Variants in CSMD1 observed in about 807,000 individuals in gnomAD.
CSMD1 encodes CUB and Sushi multiple domains 1, also known as CUB and sushi domain-containing protein 1.
Under a neutral mutation model 417.5 loss-of-function variants are expected in CSMD1, and 213 were observed. The ratio of observed to expected loss-of-function variants is 0.51; its 90% confidence interval spans 0.46 to 0.57. The LOEUF is 0.57. Ranked by LOEUF, CSMD1 falls within the 20% of genes least tolerant of loss-of-function variation. CSMD1 has a pLI of 0.00. For missense variants in CSMD1, 6,923 were observed against 4,529.7 expected, an observed-to-expected ratio of 1.53 and a Z score of -15.17; for synonymous variants, 2,862 against 1,736.8, an observed-to-expected ratio of 1.65 and a Z score of -16.11.
intron 2 of CSMD1, among the ~76,000 whole-genome samples, chr8:4,503,743 C>T (rs147268391): frequency 1.3e-5 from 2 of 152,022 alleles, no homozygotes; most frequent in South Asian, 2.1e-4. Flanking sequence ...TGGGGAGATT[C>T]GGGAAGCTGG....
chr8:4,125,065 C>A (rs1259696594), intron 3 of CSMD1, among the ~76,000 whole-genome samples: 1 of 152,094 alleles, frequency 6.6e-6, no homozygotes, highest in African/African-American at 2.4e-5. Flanking sequence ...TAACACTCGC[C>A]GCTGCAGTCC....
At chr8:4,096,054 T>C (rs1800989989) in intron 3 of CSMD1, among the ~76,000 whole-genome samples, 1 of 141,566 alleles carries the variant, frequency 7.1e-6, no homozygotes, top group Non-Finnish European at 1.5e-5. Flanking sequence ...TGTTTTGTTC[T>C]TGTAACTACA....
chr8:4,377,206 G>T (rs1802806640), intron 3 of CSMD1, among the ~76,000 whole-genome samples: 1 of 152,192 alleles, frequency 6.6e-6, no homozygotes, highest in Non-Finnish European at 1.5e-5. Context: ...TGGAAGGGCT[G>T]AGAGCGCAAA....
At chr8:3,067,452 T>C (rs186617803) in intron 49 of CSMD1, among the ~76,000 whole-genome samples, 8 of 152,076 alleles carry the variant, frequency 5.3e-5, no homozygotes, top group African/African-American at 1.4e-4. Context: ...GCAAGTCCCA[T>C]TTCAGAAGCA....
chr8:4,605,370 G>T (rs1800812047), intron 2 of CSMD1, among the ~76,000 whole-genome samples: 1 of 152,244 alleles, frequency 6.6e-6, no homozygotes, highest in East Asian at 1.9e-4. Context: ...GAGAGGTTGA[G>T]TCCTGTAAAC....
intron 3 of CSMD1, among the ~76,000 whole-genome samples, chr8:4,262,074 T>C (rs1029496833): frequency 6.6e-6 from 1 of 152,212 alleles, no homozygotes; most frequent in African/African-American, 2.4e-5. Context: ...TGATTTTTTT[T>C]AACCTCTAAA....
At chr8:3,441,066 G>T (rs978520330) in intron 12 of CSMD1, among the ~76,000 whole-genome samples, 1 of 152,162 alleles carries the variant, frequency 6.6e-6, no homozygotes, top group Non-Finnish European at 1.5e-5. Flanking sequence ...AACACATAGA[G>T]GAGAAAACAG....
rs1233125898 is a variant in CSMD1 at position 3,612,995 on chromosome 8, A to T, written c.1097+3715T>A. ...AGAAATGTATGTAAAAGTAAATTGT[A>T]TTTTTTTGAGAAGTTCAATAATATT... On this transcript the variant is annotated intron_variant, in intron 8 of 69. Coordinates refer to ENST00000635120, the MANE Select transcript of CSMD1 (RefSeq NM_033225.6). 3.9e-5 allele frequency among the ~76,000 whole-genome samples: 6 copies of T among 152,110 alleles called. No individual in the cohort carries two copies. In the East Asian group the frequency reaches 1.2e-3, roughly 29 times the overall value.
chr8:3,234,643 A>G (rs1438136795), intron 26 of CSMD1, among the ~76,000 whole-genome samples: 1 of 152,230 alleles, frequency 6.6e-6, no homozygotes, highest in African/African-American at 2.4e-5. Context: ...CAAGCATATT[A>G]CTCCAAGAGA....
At chr8:4,068,948 T>C (rs1478130652) in intron 3 of CSMD1, among the ~76,000 whole-genome samples, 1 of 152,172 alleles carries the variant, frequency 6.6e-6, no homozygotes, top group Non-Finnish European at 1.5e-5. Flanking sequence ...CTTAGCAAAA[T>C]TTACAATTTA....
At position 3,020,947 on chromosome 8, in the gene CSMD1, A is replaced by C. The variant is rs541608470; in HGVS notation, c.7856-2297T>G. Among the ~76,000 whole-genome samples, 6 of 152,342 alleles carry C rather than the reference A, an allele frequency of 3.9e-5. No individual in the cohort carries two copies. The East Asian group carries it at 1.2e-3, about 29-fold the overall frequency. On this transcript the variant is annotated intron_variant, in intron 51 of 69. Coordinates refer to ENST00000635120, the MANE Select transcript of CSMD1 (RefSeq NM_033225.6). ...CTCGAGTAGGATTTAGATTTTTACAATTTGTTATAAACTTTTCATTAAGCC... is the reference window on the plus strand; with the variant it reads ...CTCGAGTAGGATTTAGATTTTTACACTTTGTTATAAACTTTTCATTAAGCC...
At chr8:4,905,806 C>T (rs142208091) in intron 1 of CSMD1, among the ~76,000 whole-genome samples, 3,161 of 128,244 alleles carry the variant, frequency 0.025, 126 homozygotes, top group African/African-American at 0.087. Context: ...GGCCACAGAG[C>T]GAGACTCCAT....
At chr8:3,972,566 T>G (rs750969074) in intron 5 of CSMD1, among the ~76,000 whole-genome samples, 3 of 152,216 alleles carry the variant, frequency 2.0e-5, no homozygotes, top group Non-Finnish European at 4.4e-5. Flanking sequence ...TCACAGGGCC[T>G]CTTATGCTAT....
intron 52 of CSMD1, among the ~76,000 whole-genome samples, chr8:3,001,760 C>T (rs767131207): frequency 9.9e-5 from 15 of 152,142 alleles, no homozygotes; most frequent in South Asian, 2.1e-4. Flanking sequence ...AATATCAAGG[C>T]GGAGACTTTC....
chr8:3,790,404 T>C (rs748714713), intron 5 of CSMD1, among the ~76,000 whole-genome samples: 24 of 152,256 alleles, frequency 1.6e-4, no homozygotes, highest in Non-Finnish European at 2.8e-4. Flanking sequence ...TTGACAGTTA[T>C]AATGACAATG....
At position 3,396,521 on chromosome 8, in the gene CSMD1, T is replaced by G. The variant is rs1811711481; in HGVS notation, c.2406-140A>C. The G allele has an allele frequency of 4.9e-6, 3 of 607,326 alleles. No homozygotes were observed. In the East Asian group the frequency reaches 8.8e-5, roughly 18 times the overall value. The allele number at this position is 607,326 out of a possible 1,614,324, so 37.6% of individuals were successfully genotyped here. On this transcript the variant is annotated intron_variant, in intron 16 of 69. Transcript: ENST00000635120. ...AGTTGAAATTACATATGCTTAAAAC[T>G]TGGGTACAAATATAAGGATAGTATG...
chr8:3,745,665 C>A (rs1230113728), intron 6 of CSMD1, among the ~76,000 whole-genome samples: 2 of 152,172 alleles, frequency 1.3e-5, no homozygotes, highest in African/African-American at 4.8e-5. Flanking sequence ...GGGCATGAAT[C>A]CCCGGGGAAG....
intron 37 of CSMD1, among the ~76,000 whole-genome samples, chr8:3,164,460 G>A (rs186269472): frequency 2.1e-3 from 324 of 152,144 alleles, no homozygotes; most frequent in Non-Finnish European, 2.7e-3. Context: ...AATCACTTAG[G>A]CCTTTAACTT....
intron 3 of CSMD1, among the ~76,000 whole-genome samples, chr8:4,147,265 T>C (rs77234576): frequency 0.056 from 8,581 of 152,196 alleles, 504 homozygotes; most frequent in East Asian, 0.28. Flanking sequence ...CAGCGGCTCC[T>C]CCTCACCTGC....
Sources: gnomAD v4.1 joint callset for allele counts (sites outside exome capture counted in the v4.1 genomes callset) on GRCh38, gnomAD v4.1.1 for gene constraint, MANE v1.5 for transcripts, NCBI Gene and HGNC (gene_info 2026-07-23, HGNC 2026-07-21) for gene names.